USP32: variants seen among roughly 807,000 people sequenced by gnomAD.
USP32 encodes ubiquitin carboxyl-terminal hydrolase 32.
Under a neutral mutation model 204.8 loss-of-function variants are expected in USP32, and 59 were observed. The observed-to-expected ratio is 0.29, with a 90% CI of 0.23 to 0.36. The LOEUF (loss-of-function observed/expected upper bound fraction) is 0.36. Among genes scored for constraint, USP32 ranks in the 10% least tolerant of loss-of-function variants. USP32 has a pLI of 1.00. For missense variants in USP32, 1,160 were observed against 1,946.4 expected, an observed-to-expected ratio of 0.60 and a Z score of 7.60; for synonymous variants, 517 against 678.4, an observed-to-expected ratio of 0.76 and a Z score of 3.70.
At chr17:60,310,847 G>C (rs2087835958) in intron 2 of USP32, among the ~76,000 whole-genome samples, 1 of 152,124 alleles carries the variant, frequency 6.6e-6, no homozygotes, top group African/African-American at 2.4e-5. Flanking sequence ...ACCAACCTGG[G>C]CAACATGGTG....
chr17:60,394,348 C>T (rs912918658), upstream of USP32, among the ~76,000 whole-genome samples: 2 of 152,138 alleles, frequency 1.3e-5, no homozygotes, highest in African/African-American at 4.8e-5. Context: ...TTATTACTGT[C>T]CTAAACCGTC....
intron 21 of USP32, among the ~76,000 whole-genome samples, chr17:60,209,936 G>A (rs1274366060): frequency 1.3e-5 from 2 of 151,750 alleles, no homozygotes; most frequent in East Asian, 1.9e-4. Context: ...TAGGTACATA[G>A]TATATACATA....
At chr17:60,322,486 CTT>C (rs1157168321) in intron 2 of USP32, among the ~76,000 whole-genome samples, 1 of 152,012 alleles carries the variant, frequency 6.6e-6, no homozygotes, top group African/African-American at 2.4e-5. Context: ...AAATTAATAA[CTT>C]AATTGGTATT....
At chr17:60,331,551 G>GT (rs1291923470) in intron 2 of USP32, among the ~76,000 whole-genome samples, 4 of 149,414 alleles carry the variant, frequency 2.7e-5, no homozygotes, top group Non-Finnish European at 5.9e-5. Context: ...GGCCACCAGA[G>GT]TAAGACCCCA....
intron 30 of USP32, among the ~76,000 whole-genome samples, chr17:60,184,082 C>T (rs1038520196): frequency 2.6e-5 from 4 of 151,416 alleles, no homozygotes; most frequent in African/African-American, 4.9e-5. Context: ...GTCAGGAGAT[C>T]GAGACCATCC....
At chr17:60,298,472 A>G (rs1451911175) in intron 3 of USP32, among the ~76,000 whole-genome samples, 2 of 152,188 alleles carry the variant, frequency 1.3e-5, no homozygotes, top group Admixed American at 6.5e-5. Flanking sequence ...AATCATCATT[A>G]GGTTATTTAT....
intron 1 of USP32, among the ~76,000 whole-genome samples, chr17:60,366,391 T>C (rs2089314211): frequency 1.3e-5 from 2 of 152,032 alleles, no homozygotes; most frequent in Non-Finnish European, 2.9e-5. Context: ...ACTCCTGACC[T>C]CGTGATCTAC....
intron 6 of USP32, among the ~76,000 whole-genome samples, chr17:60,270,541 A>T (rs2086699283): frequency 6.6e-6 from 1 of 152,152 alleles, no homozygotes; most frequent in African/African-American, 2.4e-5. Flanking sequence ...AAGTAACAGC[A>T]GACTGGGCGC....
Position 60,207,031 on chromosome 17 carries a change from T to G in USP32, c.3027A>C (p.Pro1009=). 6.2e-7 allele frequency: 1 copy of G among 1,612,770 alleles called. No homozygotes were observed. The highest frequency in any genetic ancestry group is 1.7e-5 in the Admixed American group (1 of 59,976). The change falls in exon 25 of 34, where the codon CCA becomes CCC. Residue 1009 remains proline (P), a synonymous_variant. Coordinates refer to ENST00000300896, the MANE Select transcript of USP32 (RefSeq NM_032582.4). ...VPVSPISASS[P]TQTDFSSSPS... ...CTAGTTCTATCTTACCTGTCTGTGT[T>G]GGACTAGAAGCTGAAATTGGAGACA... is the stretch of plus-strand genomic sequence containing the variant.
rs561145922 is a variant in USP32, at chr17:60,313,506, T to C, written c.187-11802A>G. Among the ~76,000 whole-genome samples, 110 of 152,224 alleles carry C rather than the reference T, an allele frequency of 7.2e-4. 2 individuals are homozygous for C. Among genetic ancestry groups the C allele is most frequent in the Non-Finnish European group, 1.3e-4 (9 of 68,002 alleles). ...AAAAATAAAGGGCCCCTTGAAATTCTGAATAAATAACAACATACAAATGCA... is the reference window on the plus strand; with the variant it reads ...AAAAATAAAGGGCCCCTTGAAATTCCGAATAAATAACAACATACAAATGCA... On this transcript the variant is annotated intron_variant, in intron 2 of 33. Transcript: ENST00000300896.
chr17:60,416,179 T>A (rs2090060597), intron 1 of USP32, among the ~76,000 whole-genome samples: 1 of 152,080 alleles, frequency 6.6e-6, no homozygotes, highest in African/African-American at 2.4e-5. Context: ...TAGAGGAGAG[T>A]TCTTTAGGGT....
chr17:60,360,744 A>G (rs1373428357), intron 1 of USP32, among the ~76,000 whole-genome samples: 1 of 152,196 alleles, frequency 6.6e-6, no homozygotes, highest in African/African-American at 2.4e-5. Flanking sequence ...TGTGAAAAAA[A>G]TGTGGTTGTT....
intron 1 of USP32, among the ~76,000 whole-genome samples, chr17:60,402,335 C>T (rs1318072458): frequency 1.3e-5 from 2 of 150,316 alleles, no homozygotes; most frequent in Non-Finnish European, 2.9e-5. Context: ...ATTGCAGCCT[C>T]GACCTCCCAG....
At chr17:60,315,119 C>T (rs575214241) in intron 2 of USP32, among the ~76,000 whole-genome samples, 2 of 152,234 alleles carry the variant, frequency 1.3e-5, no homozygotes, top group East Asian at 1.9e-4. Flanking sequence ...TGAATGAGGC[C>T]GGGTGTGGTG....
chr17:60,265,591 T>C, intron 8 of USP32, 117 bp from the exon 9 acceptor site: 1 of 679,470 alleles, frequency 1.5e-6, no homozygotes, highest in Non-Finnish European at 2.5e-6. Flanking sequence ...AGAGATGGGG[T>C]CTCCTTACGT....
chr17:60,362,036 TAC>T (rs1475960239), intron 1 of USP32, among the ~76,000 whole-genome samples: 2 of 152,316 alleles, frequency 1.3e-5, no homozygotes, highest in East Asian at 3.9e-4. Context: ...ACATGGTTAG[TAC>T]AGACTGTAGA....
intron 2 of USP32, among the ~76,000 whole-genome samples, chr17:60,323,961 G>A (rs1240823782): frequency 1.3e-5 from 2 of 152,174 alleles, no homozygotes; most frequent in Non-Finnish European, 2.9e-5. Context: ...GCAATCAGCA[G>A]TGCAAACTAT....
chr17:60,226,130 A>G lies in USP32; in HGVS notation c.1341T>C (p.Ile447=). 6.2e-7 allele frequency: 1 copy of G among 1,608,650 alleles called. No homozygotes were observed. Among genetic ancestry groups the G allele is most frequent in the East Asian group, 2.2e-5 (1 of 44,610 alleles). Residue 447 remains isoleucine, a synonymous_variant, in exon 13 of 34, where the codon ATT becomes ATC. Transcript: ENST00000300896. ...AHPMEQVEDR[I]GSSLSYVNTT... ...TATTCACGTAACTGAGGCTGCTTCC[A>G]ATTCTATCTTCGACCTGCTCCATAG...
intron 1 of USP32, among the ~76,000 whole-genome samples, chr17:60,419,783 C>T (rs1483361511): frequency 6.7e-6 from 1 of 148,626 alleles, no homozygotes; most frequent in Admixed American, 6.7e-5. Flanking sequence ...ACAGGTTTAT[C>T]TATATAACAA....
Sources: gnomAD v4.1 joint callset for allele counts (sites outside exome capture counted in the v4.1 genomes callset) on GRCh38, gnomAD v4.1.1 for gene constraint, MANE v1.5 for transcripts, NCBI Gene and HGNC (gene_info 2026-07-23, HGNC 2026-07-21) for gene names.